Variants in NCAM2 observed in about 807,000 individuals in gnomAD.
The protein encoded by NCAM2 is neural cell adhesion molecule 2.
Under a neutral mutation model 98.1 loss-of-function variants are expected in NCAM2, and 30 were observed. The observed-to-expected ratio is 0.31, with a 90% CI of 0.23 to 0.41. The LOEUF (loss-of-function observed/expected upper bound fraction) is 0.41. Ranked by LOEUF, NCAM2 falls within the 10% of genes least tolerant of loss-of-function variation. The probability of loss-of-function intolerance (pLI) is 1.00; values close to 1 mark genes in which losing one functional copy is unlikely to be tolerated. For synonymous variants in NCAM2, 368 were observed against 342.4 expected (o/e 1.07, Z -0.83); for missense variants, 867 against 1,005.8 (o/e 0.86, Z 1.87).
chr21:21,140,985 T>G (rs2067157033), intron 1 of NCAM2, among the ~76,000 whole-genome samples: 1 of 152,180 alleles, frequency 6.6e-6, no homozygotes, highest in Non-Finnish European at 1.5e-5. Flanking sequence ...GGACTCTATA[T>G]TTTAAAAATG....
chr21:21,222,346 T>G (rs2070203793), intron 1 of NCAM2, among the ~76,000 whole-genome samples: 1 of 152,190 alleles, frequency 6.6e-6, no homozygotes, highest in African/African-American at 2.4e-5. Flanking sequence ...CATAAGGCTG[T>G]AGCTTTTATA....
chr21:21,516,124 CTACCCT>C (rs953515828), intron 16 of NCAM2, among the ~76,000 whole-genome samples: 1 of 152,030 alleles, frequency 6.6e-6, no homozygotes, highest in Non-Finnish European at 1.5e-5. Context: ...AAAAGGCATC[CTACCCT>C]TGCAATTACT....
chr21:21,474,793 A>T (rs1161459887), intron 14 of NCAM2, among the ~76,000 whole-genome samples: 1 of 151,948 alleles, frequency 6.6e-6, no homozygotes, highest in African/African-American at 2.4e-5. Flanking sequence ...GTGTATACAC[A>T]ATTTATAACT....
chr21:21,219,635 G>A (rs2070054612), intron 1 of NCAM2, among the ~76,000 whole-genome samples: 1 of 152,126 alleles, frequency 6.6e-6, no homozygotes, highest in South Asian at 2.1e-4. Flanking sequence ...GATGATCAAT[G>A]TCTTTGTTAC....
At chr21:21,435,489 A>G (rs1053071612) in intron 12 of NCAM2, among the ~76,000 whole-genome samples, 19 of 152,056 alleles carry the variant, frequency 1.2e-4, no homozygotes, top group African/African-American at 4.6e-4. Flanking sequence ...TCCTCCGCCT[A>G]GTTTTCTGCT....
At position 21,432,241 on chromosome 21, in the gene NCAM2, G is replaced by A. The variant is rs377668299; in HGVS notation, c.1614G>A (p.Ala538=). 7.2e-5 allele frequency: 116 copies of A among 1,614,020 alleles called. No individual in the cohort carries two copies. Among genetic ancestry groups the A allele is most frequent in the African/African-American group, 7.1e-4 (53 of 75,020 alleles). ...HHYQVDVKEV[A]SEIWKIVRSH... is the part of the protein sequence containing the mutation. ...ATCAGGTGGATGTCAAAGAAGTAGCGTCAGAAATCTGGAAAATTGTACGCT... is the reference window on the plus strand; with the variant it reads ...ATCAGGTGGATGTCAAAGAAGTAGCATCAGAAATCTGGAAAATTGTACGCT... The change falls in exon 12 of 18, where the codon GCG becomes GCA. Residue 538 remains alanine, a synonymous_variant. Transcript: ENST00000400546.
intron 8 of NCAM2, among the ~76,000 whole-genome samples, chr21:21,362,660 A>G (rs1230112649): frequency 6.6e-6 from 1 of 152,218 alleles, no homozygotes; most frequent in African/African-American, 2.4e-5. Context: ...TCCATTTAGA[A>G]GACTGCAAAT....
rs1388856798 is a variant in NCAM2 at position 21,539,701 on chromosome 21, A to G, written c.*1744A>G. 3 of 152,140 alleles carry G rather than the reference A, an allele frequency of 2.0e-5. No homozygotes were observed. Among genetic ancestry groups the G allele is most frequent in the African/African-American group, 7.2e-5 (3 of 41,442 alleles). The allele number at this position is 152,140 out of a possible 1,614,324, so 9.4% of individuals were successfully genotyped here. On this transcript the variant is annotated 3_prime_UTR_variant, in exon 18 of 18. Transcript: ENST00000400546. ...ATAAGTTGCAGGGTTAAATGCGGGA[A>G]TCTCTCCTTGCGTTCCTGTCTGGCG... is the stretch of plus-strand genomic sequence containing the variant.
chr21:21,314,883 C>T (rs2074170989), intron 5 of NCAM2, among the ~76,000 whole-genome samples: 2 of 152,082 alleles, frequency 1.3e-5, no homozygotes, highest in African/African-American at 4.8e-5. Context: ...TTATTTAGAA[C>T]ATGTTTTAAA....
chr21:21,264,771 TATATATATACATATATATATATTCCAC>T (rs1203308329), intron 1 of NCAM2, among the ~76,000 whole-genome samples: 2 of 11,788 alleles, frequency 1.7e-4, no homozygotes, highest in Non-Finnish European at 3.0e-4. Context: ...TATATTCCAC[TATATATATACATATATATATATTCCAC>T]TATATATATA....
intron 8 of NCAM2, among the ~76,000 whole-genome samples, chr21:21,369,182 G>T (rs1369255759): frequency 2.0e-5 from 3 of 151,466 alleles, no homozygotes; most frequent in Non-Finnish European, 1.5e-5. Context: ...CTATAGATTT[G>T]CCTATTCTGG....
intron 17 of NCAM2, among the ~76,000 whole-genome samples, chr21:21,537,086 TA>T (rs2146436022): frequency 6.6e-6 from 1 of 152,244 alleles, no homozygotes; most frequent in Non-Finnish European, 1.5e-5. Flanking sequence ...AATTTTATTT[TA>T]TTTTATTTTA....
At chr21:21,377,308 C>G (rs1023588839) in intron 9 of NCAM2, among the ~76,000 whole-genome samples, 1 of 151,762 alleles carries the variant, frequency 6.6e-6, no homozygotes, top group Admixed American at 6.6e-5. Context: ...AGAATTTTCT[C>G]AAGTCACTTT....
At chr21:21,514,218 CA>C (rs888152960) in intron 16 of NCAM2, among the ~76,000 whole-genome samples, 1 of 150,884 alleles carries the variant, frequency 6.6e-6, no homozygotes, top group African/African-American at 2.4e-5. Flanking sequence ...TTTTAACTGG[CA>C]AAATGTTGTC....
At chr21:21,206,065 C>T (rs1302843376) in intron 1 of NCAM2, among the ~76,000 whole-genome samples, 2 of 152,066 alleles carry the variant, frequency 1.3e-5, no homozygotes, top group African/African-American at 4.8e-5. Flanking sequence ...GCAACTTATT[C>T]AATTTCATCT....
chr21:21,198,925 G>A (rs1041890686), intron 1 of NCAM2, among the ~76,000 whole-genome samples: 6 of 152,132 alleles, frequency 3.9e-5, no homozygotes, highest in African/African-American at 1.4e-4. Context: ...TTTCCATTAT[G>A]TATCTGGGTG....
At chr21:21,378,719 A>T (rs1050553694) in intron 9 of NCAM2, among the ~76,000 whole-genome samples, 3 of 152,050 alleles carry the variant, frequency 2.0e-5, no homozygotes, top group Non-Finnish European at 4.4e-5. Context: ...CTACAGATAT[A>T]ACAGAGTTTG....
chr21:21,151,735 A>G (rs1010822467), intron 1 of NCAM2, among the ~76,000 whole-genome samples: 6 of 151,996 alleles, frequency 3.9e-5, no homozygotes, highest in African/African-American at 1.4e-4. Flanking sequence ...CCCAGCCATC[A>G]TATGATTAGT....
intron 1 of NCAM2, among the ~76,000 whole-genome samples, chr21:21,044,264 G>A (rs1461792488): frequency 1.3e-5 from 2 of 152,152 alleles, no homozygotes; most frequent in Non-Finnish European, 2.9e-5. Context: ...CAACAGAAGA[G>A]CAGGGTTTGT....
Sources: allele counts gnomAD v4.1 joint callset (sites outside exome capture counted in the v4.1 genomes callset), GRCh38; gene constraint gnomAD v4.1.1; transcripts MANE v1.5; gene names NCBI Gene and HGNC (gene_info 2026-07-23, HGNC 2026-07-21).